The following RIF1 variants were observed in gnomAD, a reference collection of about 807,000 sequenced individuals.
The protein encoded by RIF1 is telomere-associated protein RIF1.
Under a neutral mutation model 247.1 loss-of-function variants are expected in RIF1, and 45 were observed. That is an observed-to-expected ratio of 0.18 (90% CI 0.14 to 0.23). The LOEUF is 0.23. Ranked by LOEUF, RIF1 falls within the 10% of genes least tolerant of loss-of-function variation. The pLI is 1.00. For synonymous variants in RIF1, 1,087 were observed against 978.8 expected (o/e 1.11, Z -2.06); for missense variants, 2,967 against 2,862.5 (o/e 1.04, Z -0.83).
intron 6 of RIF1, among the ~76,000 whole-genome samples, chr2:151,417,720 T>A (rs1215038565): frequency 6.6e-6 from 1 of 152,226 alleles, no homozygotes; most frequent in African/African-American, 2.4e-5. Flanking sequence ...AGGATGTGCG[T>A]AGGTTATATG....
At chr2:151,413,206 A>G (rs1474114255) in intron 3 of RIF1, among the ~76,000 whole-genome samples, 2 of 149,972 alleles carry the variant, frequency 1.3e-5, no homozygotes, top group Non-Finnish European at 3.0e-5. Flanking sequence ...TTTTTTTTGT[A>G]TTTTTAGTAG....
At chr2:151,494,086 A>G (rs1432438688) in intron 9 of RIF1, 4 of 1,259,334 alleles carry the variant, frequency 3.2e-6, no homozygotes, top group Non-Finnish European at 4.5e-6. Context: ...TTAACCTGGG[A>G]CAGGGTTAGG....
At chr2:151,444,728 T>G (rs1284205955) in intron 18 of RIF1, among the ~76,000 whole-genome samples, 1 of 152,196 alleles carries the variant, frequency 6.6e-6, no homozygotes, top group Non-Finnish European at 1.5e-5. Flanking sequence ...CTTTTTATTG[T>G]ATGAGTTTTT....
chr2:151,448,645 G>A (rs931248174), intron 20 of RIF1, among the ~76,000 whole-genome samples: 3 of 152,130 alleles, frequency 2.0e-5, no homozygotes, highest in African/African-American at 7.2e-5. Flanking sequence ...TTTTCCAAAG[G>A]ACTTACCTAA....
downstream of RIF1, among the ~76,000 whole-genome samples, chr2:151,510,105 G>GAGCCTC (rs1221982031): frequency 9.9e-5 from 15 of 152,000 alleles, no homozygotes; most frequent in Non-Finnish European, 1.9e-4. Context: ...CCTTCCTCTG[G>GAGCCTC]AGCCTCAGTA....
chr2:151,412,266 G>GCT (rs1553472147), intron 3 of RIF1, among the ~76,000 whole-genome samples: 23 of 116,436 alleles, frequency 2.0e-4, no homozygotes, highest in Non-Finnish European at 4.0e-4. Flanking sequence ...CAAAGTTTGA[G>GCT]TTCTCATTTT....
chr2:151,509,642 T>A (rs1238427940), downstream of RIF1, among the ~76,000 whole-genome samples: 1 of 152,138 alleles, frequency 6.6e-6, no homozygotes, highest in African/African-American at 2.4e-5. Context: ...GGTTTTTTGT[T>A]TTTTGAGGCG....
rs1407850848 is a variant in RIF1 at position 151,445,340 on chromosome 2, C to T, written c.1989C>T (p.Thr663=). 9.7e-6 allele frequency: 15 copies of T among 1,548,848 alleles called. No individual in the cohort carries two copies. Among genetic ancestry groups the T allele is most frequent in the African/African-American group, 1.4e-5 (1 of 73,566 alleles). Residue 663 remains threonine, a splice_region_variant and synonymous_variant, in exon 19 of 36, where the codon ACC becomes ACT. Coordinates refer to ENST00000444746, the MANE Select transcript of RIF1 (RefSeq NM_018151.5). Reference sequence around the variant, plus strand: ...CTTCATTATTTTTCTTGTTTTAGACCAATGAAGTAAATCAAGGTGATGCCT... The same window carrying T: ...CTTCATTATTTTTCTTGTTTTAGACTAATGAAGTAAATCAAGGTGATGCCT... ...VTPLTELINQ[T]NEVNQGDALE... is the part of the protein sequence containing the mutation.
exon 14 of RIF1, chr2:151,507,927 G>A (rs2070648967): frequency 2.0e-6 from 2 of 1,020,184 alleles, no homozygotes; most frequent in East Asian, 2.6e-5. Context: ...CCCACTGCAA[G>A]CCTGGGATAT....
intron 10 of RIF1, among the ~76,000 whole-genome samples, chr2:151,435,021 TG>T (rs1283961255): frequency 2.0e-5 from 3 of 152,230 alleles, no homozygotes; most frequent in Non-Finnish European, 4.4e-5. Context: ...TTGTCAACAA[TG>T]TAATTTGCAT....
At chr2:151,410,385 A>AT in intron 1 of RIF1, 29 bp from the exon 2 acceptor site, 1 of 1,579,712 alleles carries the variant, frequency 6.3e-7, no homozygotes, top group Non-Finnish European at 8.7e-7. Context: ...CGGTCACTGG[A>AT]TTTTCTCCTC....
rs1474006602 is a variant in RIF1 at position 151,479,606 on chromosome 2, C to A, written c.*4535C>A. 3 of 152,224 alleles carry A rather than the reference C, an allele frequency of 2.0e-5. No individual in the cohort carries two copies. The East Asian group carries it at 5.8e-4, about 29-fold the overall frequency. 9.4% of individuals were successfully genotyped at this position (152,224 alleles called of 1,614,324 possible). ...GCAGATATGCCCTGTCATTATACTG[C>A]GGACCTCTGGTCACTTAATTTTCTG... is the stretch of plus-strand genomic sequence containing the variant. On this transcript the variant is annotated 3_prime_UTR_variant, in exon 36 of 36. Transcript: ENST00000444746.
chr2:151,447,718 T>C (rs1693569735), intron 20 of RIF1, among the ~76,000 whole-genome samples: 1 of 152,134 alleles, frequency 6.6e-6, no homozygotes, highest in Admixed American at 6.5e-5. Context: ...GCTAATTTTG[T>C]ATTTTTAGTA....
chr2:151,458,226 ATTTTTTTTTTTT>A (rs71403171), intron 24 of RIF1, among the ~76,000 whole-genome samples: 96 of 99,172 alleles, frequency 9.7e-4, no homozygotes, highest in Admixed American at 3.1e-3. Context: ...GAAATAGATG[ATTTTTTTTTTTT>A]TTTTTTTTTT....
At chr2:151,502,898 A>G in intron 11 of RIF1, 1 of 1,485,942 alleles carries the variant, frequency 6.7e-7, no homozygotes, top group South Asian at 1.2e-5. Flanking sequence ...GTGAGATACA[A>G]GAAAGTACCC....
chr2:151,526,989 C>G, the RIF1 span: 1 of 1,602,792 alleles, frequency 6.2e-7, no homozygotes, highest in Non-Finnish European at 8.5e-7. Flanking sequence ...AGCTTGCAAC[C>G]CTTGAGGAAC....
At position 151,468,066 on chromosome 2, in the gene RIF1, T is replaced by G. The variant is rs544582816; in HGVS notation, c.6667T>G (p.Cys2223Gly). The change falls in exon 31 of 36, where the codon TGC becomes GGC. Residue 2223 changes from cysteine to glycine, a missense_variant. Physicochemically the swap from Cys to Gly is radical, Grantham distance 159 (BLOSUM62 -3). Transcript: ENST00000444746. ...AGLADDIDRRCSIVRSHSSNS... is the reference protein window; with the variant it reads ...AGLADDIDRRGSIVRSHSSNS... ...ATTGGCAGATGACATTGATAGACGGTGCTCTATTGTTAGGTCCCATTCTTC... is the reference window on the plus strand; with the variant it reads ...ATTGGCAGATGACATTGATAGACGGGGCTCTATTGTTAGGTCCCATTCTTC... 2.8e-5 allele frequency: 45 copies of G among 1,613,454 alleles called. No homozygotes were observed. The highest frequency in any genetic ancestry group is 3.8e-5 in the Non-Finnish European group (45 of 1,179,618).
At chr2:151,495,115 A>T (rs2059351655) in intron 9 of RIF1, 1 of 152,216 alleles carries the variant, frequency 6.6e-6, no homozygotes, top group African/African-American at 2.4e-5. Flanking sequence ...CATTCAGCTT[A>T]TCATTAAGGA....
At chr2:151,456,300 TAATGCCTAAAAGA>T (rs1364102770) in intron 22 of RIF1, among the ~76,000 whole-genome samples, 2 of 152,222 alleles carry the variant, frequency 1.3e-5, no homozygotes, top group Non-Finnish European at 2.9e-5. Flanking sequence ...TCATCAAAAG[TAATGCCTAAAAGA>T]AATGTACAGA....
Sources: gnomAD v4.1 joint callset for allele counts (sites outside exome capture counted in the v4.1 genomes callset) on GRCh38, gnomAD v4.1.1 for gene constraint, MANE v1.5 for transcripts, NCBI Gene and HGNC (gene_info 2026-07-23, HGNC 2026-07-21) for gene names.